ARHGAP44: variants seen among roughly 807,000 people sequenced by gnomAD.
ARHGAP44 encodes the protein rho GTPase-activating protein 44.
Under a neutral mutation model 106.8 loss-of-function variants are expected in ARHGAP44, and 43 were observed. The ratio of observed to expected loss-of-function variants is 0.40; its 90% CI spans 0.32 to 0.52. The LOEUF (loss-of-function observed/expected upper bound fraction) is 0.52, where lower values mean the gene tolerates loss of function less well. Among genes scored for constraint, ARHGAP44 ranks in the 20% least tolerant of loss-of-function variants. The pLI is 0.48. For missense variants in ARHGAP44, 866 were observed against 1,050.5 expected (o/e 0.82, Z 2.43); for synonymous variants, 439 against 410.3 (o/e 1.07, Z -0.85).
At chr17:12,891,807 T>TC (rs1168526504) in intron 1 of ARHGAP44, among the ~76,000 whole-genome samples, 3 of 151,610 alleles carry the variant, frequency 2.0e-5, no homozygotes, top group African/African-American at 7.3e-5. Flanking sequence ...GGTTTTTTTT[T>TC]TTTTTAGATG....
At chr17:12,969,237 A>G (rs1413578749) in intron 16 of ARHGAP44, among the ~76,000 whole-genome samples, 2 of 152,162 alleles carry the variant, frequency 1.3e-5, no homozygotes, top group Non-Finnish European at 2.9e-5. Flanking sequence ...GCAGTAGAGT[A>G]TCCTTTTCCC....
chr17:12,857,067 C>T (rs1425276341), intron 1 of ARHGAP44, among the ~76,000 whole-genome samples: 2 of 152,230 alleles, frequency 1.3e-5, no homozygotes, highest in East Asian at 3.9e-4. Flanking sequence ...CACTTTAAAC[C>T]TCAATGACAT....
intron 13 of ARHGAP44, among the ~76,000 whole-genome samples, chr17:12,953,199 C>G (rs954586372): frequency 6.6e-6 from 1 of 152,120 alleles, no homozygotes; most frequent in Admixed American, 6.5e-5. Flanking sequence ...CCCCCATTCC[C>G]GAGCCCTAGC....
intron 4 of ARHGAP44, 95 bp downstream of exon 4, chr17:12,909,068 C>A: frequency 9.4e-7 from 1 of 1,067,488 alleles, no homozygotes; most frequent in South Asian, 1.7e-5. Context: ...CACCTGAATT[C>A]TCACTGGGGA....
chr17:12,940,850 A>G (rs1324204890), intron 7 of ARHGAP44, among the ~76,000 whole-genome samples: 1 of 152,232 alleles, frequency 6.6e-6, no homozygotes, highest in Non-Finnish European at 1.5e-5. Flanking sequence ...AATGACTGAC[A>G]TAGGTGTTCT....
rs376729741 is a variant in ARHGAP44 at position 12,949,193 on chromosome 17, C to T, written c.915C>T (p.Ala305=). The T allele has an allele frequency of 3.5e-5, 55 of 1,582,890 alleles. No individual in the cohort carries two copies. The African/African-American group carries it at 6.9e-4, about 20-fold the overall frequency. ...CCAAACTGAAGAAGCTGAAAGCGGC[C>T]CTGGACTGCTGCGTGGTGGATGTGC... ...SASKLKKLKA[A]LDCCVVDVQE... The change falls in exon 11 of 21, where the codon GCC becomes GCT. Residue 305 remains alanine (A), a synonymous_variant. Transcript: ENST00000379672. The surrounding 1 kb of genome is among the most constrained non-coding windows in gnomAD (Gnocchi z 4.1).
intron 1 of ARHGAP44, among the ~76,000 whole-genome samples, chr17:12,820,076 TG>T (rs1177484320): frequency 6.6e-6 from 1 of 152,166 alleles, no homozygotes; most frequent in East Asian, 1.9e-4. Context: ...TATTTGAGTG[TG>T]TTGTAACATA....
chr17:12,792,869 G>A (rs892926469), intron 1 of ARHGAP44, among the ~76,000 whole-genome samples: 13 of 152,288 alleles, frequency 8.5e-5, no homozygotes, highest in East Asian at 5.8e-4. Context: ...TATTAAGGGC[G>A]TCAGCGACTA....
intron 3 of ARHGAP44, among the ~76,000 whole-genome samples, chr17:12,904,907 T>C (rs2037500392): frequency 6.6e-6 from 1 of 152,078 alleles, no homozygotes; most frequent in South Asian, 2.1e-4. Context: ...GTTTTATTTA[T>C]TTATTTATTT....
At chr17:12,795,559 A>ATT (rs61228252) in intron 1 of ARHGAP44, among the ~76,000 whole-genome samples, 1 of 148,488 alleles carries the variant, frequency 6.7e-6, no homozygotes, top group Non-Finnish European at 1.5e-5. Context: ...AATAAGGACC[A>ATT]TTTTTTTTTT....
chr17:12,866,952 G>A (rs770176677), intron 1 of ARHGAP44, among the ~76,000 whole-genome samples: 23 of 152,036 alleles, frequency 1.5e-4, no homozygotes, highest in Non-Finnish European at 1.9e-4. Context: ...CCTCTGAGAA[G>A]GCTTCTTTCT....
intron 18 of ARHGAP44, among the ~76,000 whole-genome samples, chr17:12,979,696 C>T (rs2240568): frequency 0.13 from 19,973 of 152,158 alleles, 1,886 homozygotes; most frequent in East Asian, 0.56. Context: ...TTTGGTGTTC[C>T]AGTTTGAGAA....
intron 1 of ARHGAP44, among the ~76,000 whole-genome samples, chr17:12,857,947 C>T (rs1817607383): frequency 1.3e-5 from 2 of 152,088 alleles, no homozygotes; most frequent in South Asian, 2.1e-4. Flanking sequence ...ACCACCTTAG[C>T]CACTATTAGT....
intron 1 of ARHGAP44, among the ~76,000 whole-genome samples, chr17:12,820,061 A>G (rs1235830684): frequency 6.6e-6 from 1 of 152,148 alleles, no homozygotes. Context: ...TCCAGTTCAA[A>G]TAAGTATTTG....
rs575322363 is a variant in ARHGAP44, at chr17:12,955,754, C to T, written c.1137-113C>T. ...GCATGTTCATTACATTGCAGGTGCA[C>T]GAGTCTCCTAGTCAGTGAGATATGT... On this transcript the variant is annotated intron_variant, in intron 13 of 20. Transcript: ENST00000379672. The T allele has an allele frequency of 3.4e-4, 215 of 636,616 alleles. 6 individuals are homozygous for T. The South Asian group carries it at 3.8e-3, about 11-fold the overall frequency. 39.4% of individuals were successfully genotyped at this position (636,616 alleles called of 1,614,324 possible).
intron 4 of ARHGAP44, among the ~76,000 whole-genome samples, chr17:12,914,527 A>C (rs2037844840): frequency 6.6e-6 from 1 of 152,112 alleles, no homozygotes; most frequent in South Asian, 2.1e-4. Context: ...GTAAAAAAGC[A>C]AGGCTGCCTG....
rs781613769 is a variant in ARHGAP44, at chr17:12,984,900, T to G, written c.2309T>G (p.Met770Arg). ...MLDGMSPGES[M>R]STDLVHFDIP... ...GATGGCATGTCCCCTGGGGAAAGCA[T>G]GTCTACAGGTAACCAAGCCACAGGC... The change falls in exon 20 of 21, where the codon ATG (methionine) becomes AGG (arginine). Residue 770 changes from methionine to arginine, a missense_variant. Coordinates refer to ENST00000379672, the MANE Select transcript of ARHGAP44 (RefSeq NM_014859.6). The G allele has an allele frequency of 6.2e-7, 1 of 1,600,660 alleles. No homozygotes were observed. Among genetic ancestry groups the G allele is most frequent in the Non-Finnish European group, 8.5e-7 (1 of 1,170,778 alleles).
chr17:12,968,875 T>C (rs1319272583), intron 16 of ARHGAP44, among the ~76,000 whole-genome samples: 1 of 151,876 alleles, frequency 6.6e-6, no homozygotes, highest in East Asian at 1.9e-4. Flanking sequence ...GTTCACGCCA[T>C]TCTCCTGCCT....
intron 1 of ARHGAP44, among the ~76,000 whole-genome samples, chr17:12,808,778 C>G (rs2034354463): frequency 6.6e-6 from 1 of 152,220 alleles, no homozygotes. Flanking sequence ...GTTACTTATG[C>G]TAATTTCTGC....
Sources: allele counts gnomAD v4.1 joint callset (sites outside exome capture counted in the v4.1 genomes callset), GRCh38; gene constraint gnomAD v4.1.1; non-coding constraint Gnocchi (gnomAD v3.1); transcripts MANE v1.5; gene names NCBI Gene and HGNC (gene_info 2026-07-23, HGNC 2026-07-21).